Variants in PRKCE observed in about 807,000 individuals in gnomAD.
PRKCE encodes protein kinase C epsilon type.
Under a neutral mutation model 85.4 loss-of-function variants are expected in PRKCE, and 16 were observed. The ratio of observed to expected loss-of-function variants is 0.19; its 90% CI spans 0.13 to 0.28. PRKCE has a LOEUF of 0.28. Among genes scored for constraint, PRKCE ranks in the 10% least tolerant of loss-of-function variants. The probability of loss-of-function intolerance (pLI) is 1.00; values close to 1 mark genes in which losing one functional copy is unlikely to be tolerated. For synonymous variants in PRKCE, 388 were observed against 371.5 expected (o/e 1.04, Z -0.51); for missense variants, 573 against 975.2 (o/e 0.59, Z 5.49).
At chr2:45,968,110 C>G (rs1036229688) in intron 2 of PRKCE, among the ~76,000 whole-genome samples, 4 of 152,148 alleles carry the variant, frequency 2.6e-5, no homozygotes, top group South Asian at 2.1e-4. Context: ...GTTCTTGGCT[C>G]CATATACTCT....
chr2:45,864,588 C>G (rs1214104803), intron 2 of PRKCE, among the ~76,000 whole-genome samples: 1 of 152,102 alleles, frequency 6.6e-6, no homozygotes, highest in African/African-American at 2.4e-5. Context: ...TTTTTATGAA[C>G]ATCGGTTATT....
intron 10 of PRKCE, among the ~76,000 whole-genome samples, chr2:46,064,280 CAA>C (rs58347072): frequency 2.9e-3 from 263 of 90,826 alleles, no homozygotes; most frequent in African/African-American, 7.0e-3. Context: ...GACTCTGTCT[CAA>C]AAAAAAAAAA....
intron 11 of PRKCE, among the ~76,000 whole-genome samples, chr2:46,099,882 C>G (rs1047468287): frequency 3.9e-5 from 6 of 152,112 alleles, no homozygotes; most frequent in African/African-American, 1.4e-4. Flanking sequence ...TGTGCATGGC[C>G]CTATTTCACC....
chr2:46,182,600 C>T (rs1296804596), intron 14 of PRKCE, among the ~76,000 whole-genome samples: 2 of 152,178 alleles, frequency 1.3e-5, no homozygotes, highest in East Asian at 3.9e-4. Flanking sequence ...ACCTGCTGAC[C>T]TATGCAGCTC....
intron 1 of PRKCE, among the ~76,000 whole-genome samples, chr2:45,746,506 C>T (rs1363162250): frequency 1.3e-5 from 2 of 152,080 alleles, no homozygotes; most frequent in African/African-American, 4.8e-5. Context: ...GTATCCATTC[C>T]CTATTCTGTA....
chr2:45,876,525 G>T (rs953557612), intron 2 of PRKCE, among the ~76,000 whole-genome samples: 8 of 152,068 alleles, frequency 5.3e-5, no homozygotes, highest in African/African-American at 1.9e-4. Flanking sequence ...CAACCATTTG[G>T]GGGTAAATCC....
chr2:45,961,434 G>T (rs998746801), intron 2 of PRKCE, among the ~76,000 whole-genome samples: 10 of 152,198 alleles, frequency 6.6e-5, no homozygotes, highest in African/African-American at 2.4e-4. Flanking sequence ...CCGTGAGTCG[G>T]TTTCTGTAAC....
chr2:45,744,442 TTTC>T (rs1682886241), intron 1 of PRKCE, among the ~76,000 whole-genome samples: 1 of 51,462 alleles, frequency 1.9e-5, no homozygotes, highest in African/African-American at 9.8e-5. Flanking sequence ...TCTTTCTTTC[TTTC>T]TTTCTTTCTT....
chr2:45,741,427 C>A (rs1682558650), intron 1 of PRKCE, among the ~76,000 whole-genome samples: 1 of 151,444 alleles, frequency 6.6e-6, no homozygotes, highest in African/African-American at 2.4e-5. Context: ...CTTGGGCCGA[C>A]TGGGGACAAA....
intron 10 of PRKCE, among the ~76,000 whole-genome samples, chr2:46,085,049 T>C (rs1669460568): frequency 6.6e-6 from 1 of 152,196 alleles, no homozygotes; most frequent in Non-Finnish European, 1.5e-5. Context: ...ACCCCTGGAT[T>C]GTAAGCTCCC....
At chr2:45,742,289 T>G (rs372942282) in intron 1 of PRKCE, among the ~76,000 whole-genome samples, 2 of 152,064 alleles carry the variant, frequency 1.3e-5, no homozygotes, top group South Asian at 2.1e-4. Flanking sequence ...GATTAAAACC[T>G]GTGCAAAAGG....
rs1021713644 is a variant in PRKCE at position 46,151,184 on chromosome 2, G to A, written c.1875G>A (p.Leu625=). Residue 625 remains leucine (L), a synonymous_variant, in exon 13 of 15, where the codon CTG becomes CTA. Coordinates refer to ENST00000306156, the MANE Select transcript of PRKCE (RefSeq NM_005400.3). ...LFESILHDDV[L]YPVWLSKEAV... is the part of the protein sequence containing the mutation. ...AGTCCATCCTCCATGACGACGTGCTGTACCCAGTCTGGCTCAGCAAGGAGG... is the reference window on the plus strand; with the variant it reads ...AGTCCATCCTCCATGACGACGTGCTATACCCAGTCTGGCTCAGCAAGGAGG... 14 of 1,599,200 alleles carry A rather than the reference G, an allele frequency of 8.8e-6. No homozygotes were observed. Among genetic ancestry groups the A allele is most frequent in the African/African-American group, 1.3e-5 (1 of 74,788 alleles).
intron 11 of PRKCE, among the ~76,000 whole-genome samples, chr2:46,095,490 A>C (rs1670596669): frequency 1.3e-5 from 2 of 152,158 alleles, no homozygotes; most frequent in Admixed American, 1.3e-4. Context: ...AAGAAAAGAG[A>C]ATCTGGATTT....
rs1478565967 is a variant in PRKCE, at chr2:46,068,780, C to G, written c.1438-17428C>G. 1.3e-5 allele frequency among the ~76,000 whole-genome samples: 2 copies of G among 152,164 alleles called. No individual in the cohort carries two copies. The highest frequency in any genetic ancestry group is 3.8e-4 in the East Asian group (2 of 5,196). ...GTTGCCCAAATGCCTCAGAAGTAAC[C>G]AAGAGCAAGAAGTGGTTGTGATATT... is the stretch of plus-strand genomic sequence containing the variant. On this transcript the variant is annotated intron_variant, in intron 10 of 14. Coordinates refer to ENST00000306156, the MANE Select transcript of PRKCE (RefSeq NM_005400.3). This position sits in a 1 kb window ranked among gnomAD's most constrained non-coding sequence, Gnocchi z 4.3.
intron 11 of PRKCE, among the ~76,000 whole-genome samples, chr2:46,103,504 C>T (rs1036941924): frequency 2.0e-5 from 3 of 152,138 alleles, no homozygotes; most frequent in Admixed American, 6.5e-5. Context: ...ACACATAACT[C>T]ATGTATAATA....
At chr2:45,700,102 TG>T (rs1035147174) in intron 1 of PRKCE, among the ~76,000 whole-genome samples, 2 of 151,516 alleles carry the variant, frequency 1.3e-5, no homozygotes, top group African/African-American at 4.9e-5. Flanking sequence ...CCAGGCCGCC[TG>T]GGGTTGAGGA....
intron 1 of PRKCE, among the ~76,000 whole-genome samples, chr2:45,727,702 T>A (rs1681196440): frequency 6.6e-6 from 1 of 152,210 alleles, no homozygotes; most frequent in Non-Finnish European, 1.5e-5. Context: ...TCACCCAGGC[T>A]AGAGTGCAGT....
chr2:46,178,907 G>A (rs867346203), intron 14 of PRKCE, among the ~76,000 whole-genome samples: 1 of 152,170 alleles, frequency 6.6e-6, no homozygotes, highest in Non-Finnish European at 1.5e-5. Context: ...CGGGAGGAGG[G>A]CAGGGTGGAA....
rs559065076 is a variant in PRKCE, at chr2:45,696,462, C to T, written c.348+44014C>T. Among the ~76,000 whole-genome samples the T allele has an allele frequency of 2.6e-4, 40 of 152,228 alleles. 1 individual carries two copies. The South Asian group carries it at 7.5e-3, about 28-fold the overall frequency. On this transcript the variant is annotated intron_variant, in intron 1 of 14. Coordinates refer to ENST00000306156, the MANE Select transcript of PRKCE (RefSeq NM_005400.3). ...AGTGGAAGTGCACCCATCTCCTGGCCTGCTCACTTCGAGTTTCCCTTGAGG... is the reference window on the plus strand; with the variant it reads ...AGTGGAAGTGCACCCATCTCCTGGCTTGCTCACTTCGAGTTTCCCTTGAGG...
Sources: allele counts gnomAD v4.1 joint callset (sites outside exome capture counted in the v4.1 genomes callset), GRCh38; gene constraint gnomAD v4.1.1; non-coding constraint Gnocchi (gnomAD v3.1); transcripts MANE v1.5; gene names NCBI Gene and HGNC (gene_info 2026-07-23, HGNC 2026-07-21).